Variants in USP12 observed in about 807,000 individuals in gnomAD.
USP12 encodes ubiquitin carboxyl-terminal hydrolase 12.
USP12 carries 19 observed loss-of-function variants against 45.5 expected under a neutral mutation model. That is an observed-to-expected ratio of 0.42 (90% CI 0.29 to 0.61). The LOEUF is 0.61. Among genes scored for constraint, USP12 ranks in the 20% least tolerant of loss-of-function variants. The probability of loss-of-function intolerance (pLI) is 0.22; values close to 1 mark genes in which losing one functional copy is unlikely to be tolerated. For missense variants in USP12, 242 were observed against 447.7 expected, an observed-to-expected ratio of 0.54 and a Z score of 4.15; for synonymous variants, 149 against 148.8, an observed-to-expected ratio of 1.00 and a Z score of -0.01.
chr13:27,138,534 C>G (rs1304385561), intron 1 of USP12, among the ~76,000 whole-genome samples: 5 of 152,176 alleles, frequency 3.3e-5, no homozygotes, highest in Non-Finnish European at 7.3e-5. Context: ...CTTAGGAAAC[C>G]TGTGACCACT....
chr13:27,093,121 A>C (rs1874395122), intron 4 of USP12, among the ~76,000 whole-genome samples: 1 of 151,344 alleles, frequency 6.6e-6, no homozygotes, highest in Non-Finnish European at 1.5e-5. Flanking sequence ...ACTTGAACCC[A>C]GGAGGCAGAG....
intron 1 of USP12, among the ~76,000 whole-genome samples, chr13:27,119,999 A>G (rs1318382754): frequency 6.6e-6 from 1 of 152,248 alleles, no homozygotes; most frequent in Non-Finnish European, 1.5e-5. Flanking sequence ...CTAAAAAGGC[A>G]AAAGATTATA....
intron 6 of USP12, among the ~76,000 whole-genome samples, chr13:27,087,228 A>G (rs1280196273): frequency 7.2e-6 from 1 of 139,608 alleles, no homozygotes. Context: ...CACCGACCAA[A>G]TAAGTAAATA....
At chr13:27,121,319 A>C (rs1875974415) in intron 1 of USP12, among the ~76,000 whole-genome samples, 2 of 152,044 alleles carry the variant, frequency 1.3e-5, no homozygotes, top group South Asian at 2.1e-4. Context: ...AAAAAAAAAA[A>C]AAACCTCAGT....
At chr13:27,075,458 T>C in intron 6 of USP12, 70 bp from the exon 7 acceptor site, 8 of 1,370,624 alleles carry the variant, frequency 5.8e-6, no homozygotes, top group Non-Finnish European at 8.0e-6. Context: ...TATCAAACTT[T>C]ACGATATCCA....
chr13:27,142,064 C>G (rs1566001509), intron 1 of USP12, among the ~76,000 whole-genome samples: 1 of 152,124 alleles, frequency 6.6e-6, no homozygotes, highest in Non-Finnish European at 1.5e-5. Context: ...AGAGGGTGCA[C>G]TGAGCTGAGA....
At chr13:27,112,090 C>A (rs1314061767) in intron 2 of USP12, among the ~76,000 whole-genome samples, 3 of 152,098 alleles carry the variant, frequency 2.0e-5, no homozygotes, top group Admixed American at 2.0e-4. Context: ...CACATAAGAT[C>A]TGAAACCAAA....
intron 1 of USP12, among the ~76,000 whole-genome samples, chr13:27,167,692 A>G (rs1405259291): frequency 6.6e-6 from 1 of 151,840 alleles, no homozygotes; most frequent in East Asian, 1.9e-4. Flanking sequence ...ACAAATAAAT[A>G]TTTTATTAAT....
At chr13:27,090,668 A>C (rs1874269171) in intron 4 of USP12, among the ~76,000 whole-genome samples, 1 of 152,232 alleles carries the variant, frequency 6.6e-6, no homozygotes, top group African/African-American at 2.4e-5. Flanking sequence ...TTATAAAGTT[A>C]TCACTTGCTC....
rs1593169264 is a variant in USP12 at position 27,073,148 on chromosome 13, C to T, written c.933-1999G>A. Among the ~76,000 whole-genome samples, 4 of 151,534 alleles carry T rather than the reference C, an allele frequency of 2.6e-5. No individual in the cohort carries two copies. The South Asian group carries it at 8.4e-4, about 32-fold the overall frequency. On this transcript the variant is annotated intron_variant, in intron 7 of 8. Transcript: ENST00000282344. ...GGCAGAAGAGCGTCAAGGAAGACTT[C>T]CAGAGCGGAGGGGCAGGAAGGCATG...
chr13:27,153,042 A>G (rs1465440357), intron 1 of USP12, among the ~76,000 whole-genome samples: 1 of 152,094 alleles, frequency 6.6e-6, no homozygotes, highest in Admixed American at 6.5e-5. Flanking sequence ...TTTAAAGCTT[A>G]GTGTCCTGGC....
At chr13:27,115,464 C>T (rs1440446733) in intron 2 of USP12, among the ~76,000 whole-genome samples, 2 of 152,108 alleles carry the variant, frequency 1.3e-5, no homozygotes, top group African/African-American at 4.8e-5. Flanking sequence ...CTAATATGTC[C>T]TATGTAGGGA....
At chr13:27,152,665 G>A (rs1017092363) in intron 1 of USP12, among the ~76,000 whole-genome samples, 16 of 152,176 alleles carry the variant, frequency 1.1e-4, no homozygotes, top group East Asian at 5.8e-4. Context: ...AATATGTGCC[G>A]GGCGTGGTGG....
At chr13:27,093,209 C>A (rs1378220456) in intron 4 of USP12, among the ~76,000 whole-genome samples, 1 of 151,344 alleles carries the variant, frequency 6.6e-6, no homozygotes, top group Admixed American at 6.6e-5. Context: ...TTCCACTCTG[C>A]CAAAAACAGT....
intron 2 of USP12, among the ~76,000 whole-genome samples, chr13:27,112,342 G>A (rs1037530252): frequency 3.3e-5 from 5 of 150,530 alleles, no homozygotes; most frequent in Non-Finnish European, 7.4e-5. Flanking sequence ...CTGGGGTGCA[G>A]TGGTATGATC....
intron 1 of USP12, among the ~76,000 whole-genome samples, chr13:27,147,980 T>A (rs1397751682): frequency 6.6e-6 from 1 of 151,878 alleles, no homozygotes; most frequent in Non-Finnish European, 1.5e-5. Context: ...ATTTAAAAAT[T>A]AGCCAGGCGT....
At chr13:27,100,246 C>T (rs897934918) in intron 3 of USP12, among the ~76,000 whole-genome samples, 3 of 152,114 alleles carry the variant, frequency 2.0e-5, no homozygotes, top group Admixed American at 6.6e-5. Flanking sequence ...ACCATTTCCC[C>T]TCTCAGCCTC....
At chr13:27,083,852 G>C (rs1873875350) in intron 6 of USP12, among the ~76,000 whole-genome samples, 1 of 145,246 alleles carries the variant, frequency 6.9e-6, no homozygotes, top group Non-Finnish European at 1.5e-5. Flanking sequence ...GAACCTTTTT[G>C]GGAGAATATA....
chr13:27,152,917 G>A (rs2137833393), intron 1 of USP12, among the ~76,000 whole-genome samples: 1 of 144,648 alleles, frequency 6.9e-6, no homozygotes, highest in South Asian at 2.2e-4. Flanking sequence ...ACTCCAGCCT[G>A]GGTGACAGAG....
Sources: gnomAD v4.1 joint callset for allele counts (sites outside exome capture counted in the v4.1 genomes callset) on GRCh38, gnomAD v4.1.1 for gene constraint, MANE v1.5 for transcripts, NCBI Gene and HGNC (gene_info 2026-07-23, HGNC 2026-07-21) for gene names.